Variants in LRRC7 observed in about 807,000 individuals in gnomAD.
The protein encoded by LRRC7 is leucine-rich repeat-containing protein 7.
In LRRC7, 23 loss-of-function variants were observed where a neutral mutation model predicts 175.7. The ratio of observed to expected loss-of-function variants is 0.13; its 90% confidence interval spans 0.09 to 0.19. The LOEUF (loss-of-function observed/expected upper bound fraction) is 0.19. LRRC7 is among the 10% of genes least tolerant of loss of function. LRRC7 has a pLI of 1.00. For missense variants in LRRC7, 1,354 were observed against 1,904.7 expected, an observed-to-expected ratio of 0.71 and a Z score of 5.38; for synonymous variants, 685 against 680.9, an observed-to-expected ratio of 1.01 and a Z score of -0.09.
chr1:69,730,225 A>G (rs1667420063), intron 2 of LRRC7, among the ~76,000 whole-genome samples: 1 of 151,964 alleles, frequency 6.6e-6, no homozygotes, highest in African/African-American at 2.4e-5. Context: ...CATTTTCCCC[A>G]TTGTCTTGGT....
At chr1:70,101,381 G>A (rs972692880) in intron 25 of LRRC7, among the ~76,000 whole-genome samples, 2 of 152,118 alleles carry the variant, frequency 1.3e-5, no homozygotes, top group Non-Finnish European at 2.9e-5. Context: ...AGAATTTTAA[G>A]GAAAAGCATA....
intron 1 of LRRC7, among the ~76,000 whole-genome samples, chr1:69,654,843 TAACA>T (rs759258331): frequency 3.9e-4 from 60 of 152,136 alleles, no homozygotes; most frequent in Non-Finnish European, 7.6e-4. Context: ...ATTGTTTTAA[TAACA>T]AACTGGCTGT....
intron 4 of LRRC7, among the ~76,000 whole-genome samples, chr1:69,796,583 G>A (rs893213121): frequency 2.2e-4 from 33 of 151,976 alleles, no homozygotes; most frequent in South Asian, 6.2e-4. Flanking sequence ...TCGGGAGTTC[G>A]AGACCAGCCT....
intron 11 of LRRC7, among the ~76,000 whole-genome samples, chr1:70,001,666 G>T (rs1655534018): frequency 6.6e-6 from 1 of 152,170 alleles, no homozygotes; most frequent in Non-Finnish European, 1.5e-5. Context: ...ACTCCTGGAA[G>T]AATTCATTTT....
At chr1:69,812,285 A>C (rs2101148510) in intron 4 of LRRC7, among the ~76,000 whole-genome samples, 1 of 152,288 alleles carries the variant, frequency 6.6e-6, no homozygotes, top group East Asian at 1.9e-4. Context: ...TGATGGAAGC[A>C]GTTTAACACA....
chr1:69,864,103 C>G (rs1294836095), intron 7 of LRRC7, among the ~76,000 whole-genome samples: 2 of 152,138 alleles, frequency 1.3e-5, no homozygotes, highest in Non-Finnish European at 1.5e-5. Context: ...TTTCAGAAAG[C>G]CTTTTCTGGA....
chr1:69,729,622 C>T (rs1467455033), intron 2 of LRRC7, among the ~76,000 whole-genome samples: 1 of 152,200 alleles, frequency 6.6e-6, no homozygotes, highest in Non-Finnish European at 1.5e-5. Context: ...TCTTTGGCAG[C>T]CCTGCCCCTG....
intron 3 of LRRC7, among the ~76,000 whole-genome samples, chr1:69,775,257 A>C (rs1448772782): frequency 6.6e-6 from 1 of 152,198 alleles, no homozygotes; most frequent in Non-Finnish European, 1.5e-5. Flanking sequence ...AAGGTGTTTC[A>C]ATTTCTGCTA....
chr1:70,009,276 T>C (rs772785994), intron 11 of LRRC7, among the ~76,000 whole-genome samples: 1 of 152,050 alleles, frequency 6.6e-6, no homozygotes, highest in Admixed American at 6.5e-5. Context: ...ACCTCTTTTA[T>C]GCAATTCTAA....
chr1:70,093,521 CA>C (rs888536705), intron 25 of LRRC7, among the ~76,000 whole-genome samples: 2 of 152,096 alleles, frequency 1.3e-5, no homozygotes, highest in Non-Finnish European at 2.9e-5. Flanking sequence ...CCTCTATCTG[CA>C]AATGTCACTT....
rs991468390 is a variant in LRRC7 at position 70,138,805 on chromosome 1, G to A, written c.*16918G>A. On this transcript the variant is annotated 3_prime_UTR_variant, in exon 27 of 27. Transcript: ENST00000651989. The stretch of plus-strand genomic sequence containing the variant: ...CTACCAGTGAGAAGATCAGTGCCAG[G>A]TCACAGAAAAAGCTAATCATTTTTA... The A allele has an allele frequency of 6.6e-6, 1 of 152,114 alleles. No individual in the cohort carries two copies. The highest frequency in any genetic ancestry group is 1.5e-5 in the Non-Finnish European group (1 of 68,024). The allele number at this position is 152,114 out of a possible 1,614,324, so 9.4% of individuals were successfully genotyped here.
chr1:69,988,209 C>T (rs1474005220), intron 10 of LRRC7, among the ~76,000 whole-genome samples: 1 of 152,108 alleles, frequency 6.6e-6, no homozygotes, highest in Non-Finnish European at 1.5e-5. Flanking sequence ...ATTACTGACT[C>T]CTCAGTGCCA....
intron 4 of LRRC7, among the ~76,000 whole-genome samples, chr1:69,797,638 C>A (rs1301027525): frequency 6.6e-6 from 1 of 152,106 alleles, no homozygotes; most frequent in African/African-American, 2.4e-5. Context: ...ATAAACTAGT[C>A]CCATATCTCT....
chr1:69,699,520 A>G (rs1663069506), intron 2 of LRRC7, among the ~76,000 whole-genome samples: 1 of 151,552 alleles, frequency 6.6e-6, no homozygotes, highest in Admixed American at 6.8e-5. Context: ...ACCTGGCGAC[A>G]GAGCAAGACT....
intron 23 of LRRC7, among the ~76,000 whole-genome samples, chr1:70,054,882 T>G (rs55919205): frequency 0.13 from 19,456 of 151,624 alleles, 1,713 homozygotes; most frequent in African/African-American, 0.24. Flanking sequence ...GAACCACCGC[T>G]CCCGGCCTAC....
At chr1:69,636,589 T>C (rs1308831748) in intron 1 of LRRC7, among the ~76,000 whole-genome samples, 1 of 152,014 alleles carries the variant, frequency 6.6e-6, no homozygotes, top group Admixed American at 6.6e-5. Flanking sequence ...ATGGTGATAA[T>C]GGATTCATTT....
At chr1:69,963,001 A>C (rs1325990963) in intron 8 of LRRC7, among the ~76,000 whole-genome samples, 2 of 152,078 alleles carry the variant, frequency 1.3e-5, no homozygotes, top group African/African-American at 2.4e-5. Context: ...TTTTAAAAAA[A>C]AACAAGAAGA....
At chr1:69,758,974 C>A (rs1261587339) in intron 2 of LRRC7, among the ~76,000 whole-genome samples, 1 of 151,894 alleles carries the variant, frequency 6.6e-6, no homozygotes, top group Non-Finnish European at 1.5e-5. Flanking sequence ...CTGTAGTTGG[C>A]AAACTGCACT....
intron 1 of LRRC7, among the ~76,000 whole-genome samples, chr1:69,581,778 A>G (rs924140739): frequency 3.2e-4 from 49 of 152,090 alleles, no homozygotes; most frequent in Admixed American, 5.2e-4. Flanking sequence ...GCTTTGTTTT[A>G]ATTTTTTTTT....
Sources: allele counts gnomAD v4.1 joint callset (sites outside exome capture counted in the v4.1 genomes callset), GRCh38; gene constraint gnomAD v4.1.1; transcripts MANE v1.5; gene names NCBI Gene and HGNC (gene_info 2026-07-23, HGNC 2026-07-21).